The following ALK variants were observed in gnomAD, a reference collection of about 807,000 sequenced individuals.
ALK encodes ALK receptor tyrosine kinase.
A neutral mutation model predicts 163.1 loss-of-function variants in ALK; 74 were observed. The observed-to-expected ratio is 0.45, with a 90% CI of 0.38 to 0.55. The LOEUF is 0.55. Ranked by LOEUF, ALK falls within the 20% of genes least tolerant of loss-of-function variation. The pLI, the probability that ALK is intolerant of heterozygous loss-of-function variation, is 0.00. For synonymous variants in ALK, 960 were observed against 843.2 expected, an observed-to-expected ratio of 1.14 and a Z score of -2.40; for missense variants, 2,063 against 2,105.3, an observed-to-expected ratio of 0.98 and a Z score of 0.39.
intron 5 of ALK, among the ~76,000 whole-genome samples, chr2:29,368,784 G>C (rs185851394): frequency 0.014 from 2,187 of 152,146 alleles, 25 homozygotes; most frequent in Non-Finnish European, 0.021. Context: ...TTTGTTTGGA[G>C]TATCCCATGG....
At chr2:29,290,517 C>T (rs1286421246) in intron 9 of ALK, among the ~76,000 whole-genome samples, 1 of 152,132 alleles carries the variant, frequency 6.6e-6, no homozygotes, top group African/African-American at 2.4e-5. Flanking sequence ...GGCAGACAGG[C>T]AGGAGGACAA....
At chr2:29,530,059 G>A (rs7601651) in intron 4 of ALK, among the ~76,000 whole-genome samples, 17,043 of 113,016 alleles carry the variant, frequency 0.15, 1,266 homozygotes, top group East Asian at 0.37. Context: ...CAAAATAATC[G>A]CTCTTTTTTT....
chr2:29,773,810 T>C (rs922488495), intron 1 of ALK, among the ~76,000 whole-genome samples: 1 of 152,148 alleles, frequency 6.6e-6, no homozygotes, highest in African/African-American at 2.4e-5. Context: ...AAGAGATTAA[T>C]TTAGAATCGT....
rs59774324 is a variant in ALK, at chr2:29,491,300, C to T, written c.1154+40615G>A. 1.8e-3 allele frequency among the ~76,000 whole-genome samples: 273 copies of T among 152,232 alleles called. 3 individuals carry two copies. In the East Asian group the frequency reaches 0.042, roughly 24 times the overall value. ...GTTTCCGTGGCTGATCCATTAGTGC[C>T]TCTCAGAGTGCCTAGAACAGGGCCG... is the stretch of plus-strand genomic sequence containing the variant. On this transcript the variant is annotated intron_variant, in intron 4 of 28. Transcript: ENST00000389048.
At chr2:29,223,032 A>C (rs1669850057) in intron 20 of ALK, among the ~76,000 whole-genome samples, 1 of 152,050 alleles carries the variant, frequency 6.6e-6, no homozygotes, top group African/African-American at 2.4e-5. Context: ...TGCTCAGAGG[A>C]GGGGCCCTTT....
intron 4 of ALK, among the ~76,000 whole-genome samples, chr2:29,505,713 A>G (rs1033715808): frequency 6.6e-6 from 1 of 151,928 alleles, no homozygotes; most frequent in African/African-American, 2.4e-5. Context: ...GCCACATCAG[A>G]TAATTCATGG....
rs1446454530 is a variant in ALK at position 29,393,903 on chromosome 2, G to A, written c.1155-10044C>T. 3.9e-5 allele frequency among the ~76,000 whole-genome samples: 6 copies of A among 152,184 alleles called. 1 individual carries two copies. The highest frequency in any genetic ancestry group is 3.3e-4 in the Admixed American group (5 of 15,280). ...TACTGTTGAATTAGGTGTGAATGGG[G>A]CAACAGAAAGATCAGGAAACAAATC... On this transcript the variant is annotated intron_variant, in intron 4 of 28. Transcript: ENST00000389048.
chr2:29,789,633 G>A lies in ALK; in HGVS notation c.668-71936C>T, dbSNP rs10198786. Among the ~76,000 whole-genome samples, 519 of 152,278 alleles carry A rather than the reference G, an allele frequency of 3.4e-3. 1 individual carries two copies. The highest frequency in any genetic ancestry group is 0.012 in the African/African-American group (498 of 41,530). On this transcript the variant is annotated intron_variant, in intron 1 of 28. Coordinates refer to ENST00000389048, the MANE Select transcript of ALK (RefSeq NM_004304.5). ...AAACTGTATGGTGGAGAATGACAAA[G>A]TGAAGCCATGGGCAGACCCCTAGAC... is the stretch of plus-strand genomic sequence containing the variant.
At chr2:29,780,593 A>G (rs1234829522) in intron 1 of ALK, among the ~76,000 whole-genome samples, 1 of 152,248 alleles carries the variant, frequency 6.6e-6, no homozygotes, top group Non-Finnish European at 1.5e-5. Flanking sequence ...GGAGTCAGGA[A>G]TGCACAGGAG....
chr2:29,244,573 C>T (rs1232870486), intron 12 of ALK, among the ~76,000 whole-genome samples: 1 of 152,174 alleles, frequency 6.6e-6, no homozygotes, highest in Non-Finnish European at 1.5e-5. Context: ...CCTTGAAACA[C>T]CTGAGCTTGC....
chr2:29,338,190 G>A (rs992393093), intron 5 of ALK, among the ~76,000 whole-genome samples: 16 of 152,188 alleles, frequency 1.1e-4, no homozygotes, highest in African/African-American at 3.9e-4. Flanking sequence ...ATAAGGCTCT[G>A]TTAGATCCTT....
intron 4 of ALK, among the ~76,000 whole-genome samples, chr2:29,464,743 A>G (rs1244997089): frequency 6.6e-6 from 1 of 152,198 alleles, no homozygotes; most frequent in Non-Finnish European, 1.5e-5. Context: ...TTGGCATCCA[A>G]TGGGTACAGA....
chr2:29,549,684 G>A (rs1673664929), intron 3 of ALK, among the ~76,000 whole-genome samples: 1 of 152,104 alleles, frequency 6.6e-6, no homozygotes, highest in African/African-American at 2.4e-5. Flanking sequence ...TACATCTCAA[G>A]TATTTCAGAT....
chr2:29,430,882 C>T (rs1670256476), intron 4 of ALK, among the ~76,000 whole-genome samples: 1 of 152,140 alleles, frequency 6.6e-6, no homozygotes, highest in South Asian at 2.1e-4. Flanking sequence ...CTTCAGAAGG[C>T]AAACAGCCGA....
chr2:29,394,073 A>G (rs970381589), intron 4 of ALK, among the ~76,000 whole-genome samples: 11 of 152,232 alleles, frequency 7.2e-5, no homozygotes, highest in African/African-American at 1.9e-4. Flanking sequence ...AGGAACTCTA[A>G]TCAACAGACC....
At chr2:29,271,443 C>A (rs1665383167) in intron 11 of ALK, among the ~76,000 whole-genome samples, 1 of 152,202 alleles carries the variant, frequency 6.6e-6, no homozygotes, top group Non-Finnish European at 1.5e-5. Context: ...ATTAGCAGTG[C>A]CATGGGTTAA....
intron 1 of ALK, among the ~76,000 whole-genome samples, chr2:29,779,087 C>A (rs547928710): frequency 5.3e-5 from 8 of 151,770 alleles, no homozygotes; most frequent in African/African-American, 1.9e-4. Context: ...ACCTGGGAGG[C>A]GGAGCTTGCA....
At chr2:29,702,714 G>A (rs776135733) in intron 2 of ALK, among the ~76,000 whole-genome samples, 4 of 152,254 alleles carry the variant, frequency 2.6e-5, no homozygotes, top group African/African-American at 9.6e-5. Context: ...GGCAGAAAGC[G>A]AAAGAGGAGA....
chr2:29,769,839 T>G (rs960510734), intron 1 of ALK, among the ~76,000 whole-genome samples: 4 of 152,164 alleles, frequency 2.6e-5, no homozygotes, highest in African/African-American at 9.7e-5. Context: ...GGGCAGCAAA[T>G]GGATGACTAG....
Sources: allele counts gnomAD v4.1 joint callset (sites outside exome capture counted in the v4.1 genomes callset), GRCh38; gene constraint gnomAD v4.1.1; transcripts MANE v1.5; gene names NCBI Gene and HGNC (gene_info 2026-07-23, HGNC 2026-07-21).